The following SPEN variants were observed in gnomAD, a reference collection of about 807,000 sequenced individuals.
SPEN encodes msx2-interacting protein.
A neutral mutation model predicts 269.9 loss-of-function variants in SPEN; 18 were observed. The ratio of observed to expected loss-of-function variants is 0.07; its 90% CI spans 0.05 to 0.10. The LOEUF (loss-of-function observed/expected upper bound fraction) is 0.10. Among genes scored for constraint, SPEN ranks in the 10% least tolerant of loss-of-function variants. The pLI is 1.00. For missense variants in SPEN, 3,822 were observed against 4,631.2 expected, an observed-to-expected ratio of 0.83 and a Z score of 5.07; for synonymous variants, 1,726 against 1,765.7, an observed-to-expected ratio of 0.98 and a Z score of 0.56.
At chr1:15,870,677 A>C (rs1001824569) in intron 1 of SPEN, among the ~76,000 whole-genome samples, 1 of 152,328 alleles carries the variant, frequency 6.6e-6, no homozygotes, top group East Asian at 1.9e-4. Flanking sequence ...CAGTTGCAAA[A>C]GCTAAGATTA....
At position 15,876,671 on chromosome 1, in the gene SPEN, A is replaced by G. The variant is rs2070634101; in HGVS notation, c.874A>G (p.Ser292Gly). The change falls in exon 3 of 15, where the codon AGT becomes GGT. Residue 292 changes from serine to glycine, a missense_variant. By Grantham distance (56) the Ser-to-Gly change is moderately conservative. Coordinates refer to ENST00000375759, the MANE Select transcript of SPEN (RefSeq NM_015001.3). ...AATCAGCAGCAGCAGTAGTACCAGCAGTGACAGGTAGGTTAACAGCCTTTT... is the reference window on the plus strand; with the variant it reads ...AATCAGCAGCAGCAGTAGTACCAGCGGTGACAGGTAGGTTAACAGCCTTTT... ...DSISSSSSTS[S>G]DSSDSSSSSS... 1 of 1,610,572 alleles carries G rather than the reference A, an allele frequency of 6.2e-7. No homozygotes were observed. The highest frequency in any genetic ancestry group is 8.5e-7 in the Non-Finnish European group (1 of 1,177,726).
rs756096700 is a variant in SPEN, at chr1:15,916,248, G to A, written c.1364G>A (p.Arg455His). The A allele has an allele frequency of 1.2e-6, 2 of 1,612,778 alleles. No homozygotes were observed. The highest frequency in any genetic ancestry group is 1.3e-5 in the African/African-American group (1 of 74,810). Reference protein sequence around the residue: ...LEKTTTYHDLRNIFQRFGEIV... With the variant: ...LEKTTTYHDLHNIFQRFGEIV... ...AAAACCACTACTTACCATGACCTTC[G>A]CAACATCTTCCAGCGCTTTGGAGAA... is the stretch of plus-strand genomic sequence containing the variant. The change falls in exon 6 of 15, where the codon CGC becomes CAC. Residue 455 changes from arginine (R) to histidine (H), a missense_variant. Arg to His is a conservative substitution (Grantham distance 29). Transcript: ENST00000375759.
chr1:15,871,010 T>C (rs1253696292), intron 1 of SPEN, among the ~76,000 whole-genome samples: 1 of 152,230 alleles, frequency 6.6e-6, no homozygotes, highest in African/African-American at 2.4e-5. Context: ...AGATGGAGTC[T>C]GACTCTGTTG....
intron 3 of SPEN, among the ~76,000 whole-genome samples, chr1:15,887,067 C>G (rs2070742533): frequency 6.6e-6 from 1 of 151,902 alleles, no homozygotes; most frequent in South Asian, 2.1e-4. Context: ...CCTTGACTTC[C>G]TGGGCTCAAG....
intron 1 of SPEN, among the ~76,000 whole-genome samples, chr1:15,850,824 G>T (rs1246292917): frequency 6.6e-6 from 1 of 152,178 alleles, no homozygotes; most frequent in Non-Finnish European, 1.5e-5. Context: ...CTGGTGTCTT[G>T]TACAAATCAG....
intron 1 of SPEN, among the ~76,000 whole-genome samples, chr1:15,866,125 G>GA (rs1252205154): frequency 3.9e-5 from 6 of 152,008 alleles, no homozygotes; most frequent in Non-Finnish European, 8.8e-5. Context: ...TTCAAACTAT[G>GA]AAAAATCTTG....
intron 6 of SPEN, chr1:15,917,972 A>G (rs1469454171): frequency 6.6e-6 from 1 of 152,220 alleles, no homozygotes; most frequent in Non-Finnish European, 1.5e-5. Context: ...TTCCTTGCTG[A>G]TGGAGAAATG....
rs541263666 is a variant in SPEN, at chr1:15,937,728, C to G, written c.10509+83C>G. 8.6e-5 allele frequency: 138 copies of G among 1,606,334 alleles called. No homozygotes were observed. In the African/African-American group the frequency reaches 1.5e-3, roughly 18 times the overall value. Reference sequence around the variant, plus strand: ...TCCTAAGATTCCCTAGTTAACAGACCCACAAGCTACAGCCTCTGGCTGTGT... The same window carrying G: ...TCCTAAGATTCCCTAGTTAACAGACGCACAAGCTACAGCCTCTGGCTGTGT... On this transcript the variant is annotated intron_variant, in intron 12 of 14. Coordinates refer to ENST00000375759, the MANE Select transcript of SPEN (RefSeq NM_015001.3). The surrounding 1 kb of genome is among the most constrained non-coding windows in gnomAD (Gnocchi z 5.7).
chr1:15,884,361 T>C (rs2070716741), intron 3 of SPEN, among the ~76,000 whole-genome samples: 1 of 152,114 alleles, frequency 6.6e-6, no homozygotes, highest in Non-Finnish European at 1.5e-5. Flanking sequence ...ATTTTGCAGT[T>C]AACTTATTTT....
chr1:15,886,385 A>G (rs1420979607), intron 3 of SPEN, among the ~76,000 whole-genome samples: 1 of 152,182 alleles, frequency 6.6e-6, no homozygotes, highest in Admixed American at 6.5e-5. Flanking sequence ...GAACCAGCCT[A>G]AACTGGAACC....
At chr1:15,866,743 C>T (rs1239225320) in intron 1 of SPEN, among the ~76,000 whole-genome samples, 5 of 152,110 alleles carry the variant, frequency 3.3e-5, no homozygotes, top group African/African-American at 1.2e-4. Flanking sequence ...TTCTGTATTA[C>T]CATGAAATGA....
In SPEN at chr1:15,930,132, T is replaced by C. The variant is rs952166460; in HGVS notation, c.3892T>C (p.Ser1298Pro). Reference protein sequence around the residue: ...PKVDEKVLPYSNITVREESLK... With the variant: ...PKVDEKVLPYPNITVREESLK... ...AGTAGATGAAAAAGTCCTCCCCTAT[T>C]CTAACATAACAGTCAGGGAAGAGTC... is the stretch of plus-strand genomic sequence containing the variant. The change falls in exon 11 of 15, where the codon TCT becomes CCT. Residue 1298 changes from serine to proline, a missense_variant. Coordinates refer to ENST00000375759, the MANE Select transcript of SPEN (RefSeq NM_015001.3). This position sits in a 1 kb window ranked among gnomAD's most constrained non-coding sequence, Gnocchi z 5.3. The C allele has an allele frequency of 2.5e-6, 4 of 1,614,062 alleles. No individual in the cohort carries two copies. In the African/African-American group the frequency reaches 4.0e-5, roughly 16 times the overall value.
intron 1 of SPEN, among the ~76,000 whole-genome samples, chr1:15,851,409 T>C (rs1557731093): frequency 6.6e-6 from 1 of 152,110 alleles, no homozygotes; most frequent in Non-Finnish European, 1.5e-5. Flanking sequence ...AGGGACACAA[T>C]AGAGAAAGTC....
At chr1:15,901,022 G>A (rs2070893504) in intron 3 of SPEN, among the ~76,000 whole-genome samples, 1 of 152,006 alleles carries the variant, frequency 6.6e-6, no homozygotes, top group South Asian at 2.1e-4. Flanking sequence ...TCACTCAGTT[G>A]ATTATTTCCT....
At chr1:15,924,520 G>A (rs1286214045) in intron 10 of SPEN, among the ~76,000 whole-genome samples, 1 of 152,006 alleles carries the variant, frequency 6.6e-6, no homozygotes, top group Non-Finnish European at 1.5e-5. Context: ...GAGTGCAATG[G>A]TGCAATCTTG....
intron 3 of SPEN, among the ~76,000 whole-genome samples, chr1:15,897,718 C>CA (rs2070856547): frequency 6.6e-6 from 1 of 152,118 alleles, no homozygotes; most frequent in South Asian, 2.1e-4. Context: ...AGGATGGTCT[C>CA]AAACTCCTGA....
At position 15,930,426 on chromosome 1, in the gene SPEN, T is replaced by C; in HGVS notation, c.4186T>C (p.Ser1396Pro). Reference sequence around the variant, plus strand: ...ACACAAATCCCACTCACCCAGAGCCTCTGCATTATATGAAAGTTCTCGATT... The same window carrying C: ...ACACAAATCCCACTCACCCAGAGCCCCTGCATTATATGAAAGTTCTCGATT... ...GEHKSHSPRA[S>P]ALYESSRLSF... Residue 1396 changes from serine (S) to proline (P), a missense_variant, in exon 11 of 15, where the codon TCT (serine) becomes CCT (proline). Transcript: ENST00000375759. This position sits in a 1 kb window ranked among gnomAD's most constrained non-coding sequence, Gnocchi z 5.3. 13 of 1,614,180 alleles carry C rather than the reference T, an allele frequency of 8.1e-6. No individual in the cohort carries two copies. The highest frequency in any genetic ancestry group is 2.2e-5 in the South Asian group (2 of 91,078).
At chr1:15,882,231 A>G (rs1040077304) in intron 3 of SPEN, among the ~76,000 whole-genome samples, 3 of 152,154 alleles carry the variant, frequency 2.0e-5, no homozygotes, top group Non-Finnish European at 4.4e-5. Context: ...ATTGAGCCAC[A>G]TTTCCTTTCA....
At chr1:15,922,462 A>G (rs777471125) in intron 10 of SPEN, 113 bp downstream of exon 10, 2 of 659,198 alleles carry the variant, frequency 3.0e-6, no homozygotes, top group Non-Finnish European at 5.0e-6. Context: ...CATCTTCTAG[A>G]ATAGAGAATG....
Sources: allele counts gnomAD v4.1 joint callset (sites outside exome capture counted in the v4.1 genomes callset), GRCh38; gene constraint gnomAD v4.1.1; non-coding constraint Gnocchi (gnomAD v3.1); transcripts MANE v1.5; gene names NCBI Gene and HGNC (gene_info 2026-07-23, HGNC 2026-07-21).